Variants in EPB41L4A observed in about 807,000 individuals in gnomAD.
The protein encoded by EPB41L4A is erythrocyte membrane protein band 4.1 like 4A, also known as band 4.1-like protein 4A.
Under a neutral mutation model 108.6 loss-of-function variants are expected in EPB41L4A, and 100 were observed. The ratio of observed to expected loss-of-function variants is 0.92; its 90% confidence interval spans 0.78 to 1.09. The LOEUF is 1.09. Ranked by LOEUF, EPB41L4A falls within the 50% of genes least tolerant of loss-of-function variation. The probability of loss-of-function intolerance (pLI) is 0.00; values close to 1 mark genes in which losing one functional copy is unlikely to be tolerated. For missense variants in EPB41L4A, 1,030 were observed against 842.7 expected (o/e 1.22, Z -2.75); for synonymous variants, 319 against 289.0 (o/e 1.10, Z -1.05).
intron 2 of EPB41L4A, among the ~76,000 whole-genome samples, chr5:112,288,440 C>T (rs1414086597): frequency 2.0e-5 from 3 of 152,104 alleles, no homozygotes; most frequent in African/African-American, 4.8e-5. Context: ...ACTACTCCAC[C>T]GCAAATACAC....
intron 1 of EPB41L4A, among the ~76,000 whole-genome samples, chr5:112,384,277 C>T (rs1162997249): frequency 6.6e-6 from 1 of 152,006 alleles, no homozygotes; most frequent in Non-Finnish European, 1.5e-5. Flanking sequence ...AAACTGTCAA[C>T]AAAAGATGAT....
At chr5:112,370,786 A>G (rs1759446454) in intron 1 of EPB41L4A, among the ~76,000 whole-genome samples, 1 of 152,142 alleles carries the variant, frequency 6.6e-6, no homozygotes, top group Non-Finnish European at 1.5e-5. Context: ...ATGGTGGCAC[A>G]TGCCTGTAGT....
intron 1 of EPB41L4A, among the ~76,000 whole-genome samples, chr5:112,339,862 T>C (rs1008456483): frequency 6.6e-6 from 1 of 152,146 alleles, no homozygotes; most frequent in African/African-American, 2.4e-5. Context: ...AATGCATAAA[T>C]ATTTAAGCAA....
intron 1 of EPB41L4A, among the ~76,000 whole-genome samples, chr5:112,417,757 A>G (rs984563797): frequency 6.6e-6 from 1 of 152,206 alleles, no homozygotes; most frequent in African/African-American, 2.4e-5. Flanking sequence ...TCCTAAAGGA[A>G]AGGGTTAACA....
chr5:112,303,740 C>T (rs531583240), intron 2 of EPB41L4A, among the ~76,000 whole-genome samples: 1 of 152,090 alleles, frequency 6.6e-6, no homozygotes, highest in African/African-American at 2.4e-5. Flanking sequence ...GTGATGTGAT[C>T]GGGAAAAAAG....
intron 12 of EPB41L4A, among the ~76,000 whole-genome samples, chr5:112,150,690 G>C (rs1234109463): frequency 6.6e-6 from 1 of 152,112 alleles, no homozygotes; most frequent in Admixed American, 6.5e-5. Context: ...AGAAAAGACA[G>C]ATTATTTGGC....
At chr5:112,416,928 A>G (rs999099361) in intron 1 of EPB41L4A, among the ~76,000 whole-genome samples, 1 of 152,188 alleles carries the variant, frequency 6.6e-6, no homozygotes, top group Non-Finnish European at 1.5e-5. Flanking sequence ...CTTTTAAGGT[A>G]GCATAGAAGA....
chr5:112,291,372 G>C (rs749374493), intron 2 of EPB41L4A, among the ~76,000 whole-genome samples: 4 of 152,176 alleles, frequency 2.6e-5, no homozygotes, highest in Non-Finnish European at 4.4e-5. Context: ...TATCACTCCA[G>C]CCTCGGTGTA....
chr5:112,320,657 C>A (rs1325997832), intron 1 of EPB41L4A, among the ~76,000 whole-genome samples: 1 of 152,136 alleles, frequency 6.6e-6, no homozygotes, highest in Non-Finnish European at 1.5e-5. Flanking sequence ...ACAAAACAAG[C>A]TACTTTCTCA....
chr5:112,300,658 T>C (rs531693340), intron 2 of EPB41L4A, among the ~76,000 whole-genome samples: 3 of 152,306 alleles, frequency 2.0e-5, no homozygotes, highest in African/African-American at 7.2e-5. Context: ...TGCCAGGTGT[T>C]CTTTGAGCTC....
At chr5:112,337,586 G>A (rs1260000453) in intron 1 of EPB41L4A, among the ~76,000 whole-genome samples, 1 of 152,130 alleles carries the variant, frequency 6.6e-6, no homozygotes, top group East Asian at 1.9e-4. Context: ...TTGACCTAAG[G>A]TCACACAGTA....
intron 1 of EPB41L4A, among the ~76,000 whole-genome samples, chr5:112,386,934 C>G (rs1262996160): frequency 6.6e-6 from 1 of 152,104 alleles, no homozygotes; most frequent in African/African-American, 2.4e-5. Context: ...TCCCACCGAC[C>G]TCACCACTGA....
In EPB41L4A at chr5:112,190,309, AG is replaced by A. The variant is rs539280681; in HGVS notation, c.1502+4258del. ...AGATGATAAAACTTTGTAAGTTTTA[AG>A]GGGGGGGTGTTACATAAACACCCCC... On this transcript the variant is annotated intron_variant, in intron 17 of 22. Coordinates refer to ENST00000261486, the MANE Select transcript of EPB41L4A (RefSeq NM_022140.5). Among the ~76,000 whole-genome samples, 75 of 151,740 alleles carry A rather than the reference AG, an allele frequency of 4.9e-4. 2 individuals carry two copies. In the East Asian group the frequency reaches 0.012, roughly 24 times the overall value.
intron 1 of EPB41L4A, among the ~76,000 whole-genome samples, chr5:112,353,557 G>A (rs868247693): frequency 2.0e-5 from 3 of 152,206 alleles, no homozygotes; most frequent in South Asian, 2.1e-4. Flanking sequence ...TGGTAGGCTC[G>A]GTGGGCCCAT....
intron 20 of EPB41L4A, 64 bp downstream of exon 20, chr5:112,170,237 A>C: frequency 1.6e-5 from 24 of 1,479,520 alleles, no homozygotes; most frequent in Non-Finnish European, 2.2e-5. Context: ...CAATTGAAGA[A>C]TTAGAATGGA....
rs149950777 is a variant in EPB41L4A at position 112,201,845 on chromosome 5, T to G, written c.1376+2530A>C. On this transcript the variant is annotated intron_variant, in intron 15 of 22. Coordinates refer to ENST00000261486, the MANE Select transcript of EPB41L4A (RefSeq NM_022140.5). ...TCACTATCTCCACCTTTTTCAGATG[T>G]ACAGGCTGGGATTCCAATCCCATGT... 2.0e-3 allele frequency among the ~76,000 whole-genome samples: 298 copies of G among 152,326 alleles called. 6 individuals carry two copies. The East Asian group carries it at 0.046, about 24-fold the overall frequency.
chr5:112,238,574 A>C (rs1392094219), intron 11 of EPB41L4A, among the ~76,000 whole-genome samples: 1 of 152,220 alleles, frequency 6.6e-6, no homozygotes, highest in Non-Finnish European at 1.5e-5. Context: ...TATTGTCCTG[A>C]AAATGCTTGC....
intron 1 of EPB41L4A, among the ~76,000 whole-genome samples, chr5:112,340,711 G>A (rs1757259840): frequency 6.6e-6 from 1 of 151,950 alleles, no homozygotes; most frequent in African/African-American, 2.4e-5. Context: ...GTACGTTTCT[G>A]CCAATTTTCT....
chr5:112,297,237 C>T (rs1360779256), intron 2 of EPB41L4A, among the ~76,000 whole-genome samples: 1 of 152,134 alleles, frequency 6.6e-6, no homozygotes, highest in Non-Finnish European at 1.5e-5. Context: ...AGTGGCTGTA[C>T]TAGTTTACAT....
Sources: allele counts gnomAD v4.1 joint callset (sites outside exome capture counted in the v4.1 genomes callset), GRCh38; gene constraint gnomAD v4.1.1; transcripts MANE v1.5; gene names NCBI Gene and HGNC (gene_info 2026-07-23, HGNC 2026-07-21).